The following USPL1 variants were observed in gnomAD, a reference collection of about 807,000 sequenced individuals.
The protein encoded by USPL1 is SUMO-specific isopeptidase USPL1.
A neutral mutation model predicts 51.5 loss-of-function variants in USPL1; 27 were observed. The ratio of observed to expected loss-of-function variants is 0.52; its 90% CI spans 0.39 to 0.72. The LOEUF (loss-of-function observed/expected upper bound fraction) is 0.72, where lower values mean the gene tolerates loss of function less well. Among genes scored for constraint, USPL1 ranks in the 30% least tolerant of loss-of-function variants. The pLI, the probability that USPL1 is intolerant of heterozygous loss-of-function variation, is 0.00. For synonymous variants in USPL1, 451 were observed against 459.6 expected, an observed-to-expected ratio of 0.98 and a Z score of 0.24; for missense variants, 1,226 against 1,268.0, an observed-to-expected ratio of 0.97 and a Z score of 0.50.
At chr13:30,621,039 T>G in intron 1 of USPL1, 34 bp from the exon 2 acceptor site, 1 of 917,712 alleles carries the variant, frequency 1.1e-6, no homozygotes. Flanking sequence ...AAATAGAATT[T>G]TTATTTAATT....
intron 4 of USPL1, among the ~76,000 whole-genome samples, chr13:30,634,394 T>G (rs1255564536): frequency 1.3e-5 from 2 of 152,234 alleles, no homozygotes; most frequent in Admixed American, 1.3e-4. Context: ...CTTAATATTT[T>G]CAGACCACGG....
intron 8 of USPL1, among the ~76,000 whole-genome samples, chr13:30,656,074 C>T (rs1057509141): frequency 2.0e-5 from 3 of 152,132 alleles, no homozygotes; most frequent in Admixed American, 2.0e-4. Flanking sequence ...CATCCAAGCC[C>T]GTGGTTAGCT....
chr13:30,642,841 AC>A, intron 6 of USPL1, 84 bp downstream of exon 6: 1 of 1,493,978 alleles, frequency 6.7e-7, no homozygotes, highest in Admixed American at 2.1e-5. Flanking sequence ...ACCAGACACT[AC>A]AGTTTGCTTG....
Position 30,638,345 on chromosome 13 carries a change from A to G in USPL1, c.982+488A>G, listed in dbSNP as rs564927722. ...CATCTAAACCAACCATAGTAATTCT[A>G]CTTCCCTACCAGTGATTGGTTTAGG... On this transcript the variant is annotated intron_variant, in intron 5 of 8. Coordinates refer to ENST00000255304, the MANE Select transcript of USPL1 (RefSeq NM_005800.5). 7.2e-5 allele frequency among the ~76,000 whole-genome samples: 11 copies of G among 152,302 alleles called. No individual in the cohort carries two copies. In the South Asian group the frequency reaches 8.3e-4, roughly 11 times the overall value.
chr13:30,656,267 C>T (rs565820740), intron 8 of USPL1, among the ~76,000 whole-genome samples: 1 of 152,136 alleles, frequency 6.6e-6, no homozygotes, highest in Non-Finnish European at 1.5e-5. Context: ...TGTAAGTGTA[C>T]AATTCATTGG....
chr13:30,638,181 A>G (rs1950900890), intron 5 of USPL1, among the ~76,000 whole-genome samples: 2 of 152,206 alleles, frequency 1.3e-5, no homozygotes, highest in African/African-American at 2.4e-5. Flanking sequence ...TCAATTGTGC[A>G]TTAAAAAGCA....
chr13:30,651,754 A>C (rs1036841773), intron 7 of USPL1, among the ~76,000 whole-genome samples: 1 of 152,238 alleles, frequency 6.6e-6, no homozygotes, highest in Non-Finnish European at 1.5e-5. Context: ...TGAAGTCAGC[A>C]GTTCGAGACC....
At position 30,631,093 on chromosome 13, in the gene USPL1, A is replaced by C. The variant is rs568229280; in HGVS notation, c.487A>C (p.Ile163Leu). ...LPDSSGQQNPIRTADSLERNE... is the reference protein window; with the variant it reads ...LPDSSGQQNPLRTADSLERNE... ...TGATAGTAGTGGTCAACAGAATCCA[A>C]TTAGGACAGCTGATTCCTTGGAGCG... Residue 163 changes from isoleucine to leucine, a missense_variant, in exon 4 of 9, where the codon ATT (isoleucine) becomes CTT (leucine). Ile to Leu is a conservative substitution (Grantham distance 5). Transcript: ENST00000255304. 6.2e-7 allele frequency: 1 copy of C among 1,614,204 alleles called. No homozygotes were observed. The highest frequency in any genetic ancestry group is 1.3e-5 in the African/African-American group (1 of 75,062).
rs771464182 is a variant in USPL1, at chr13:30,658,594, T to A, written c.2517T>A (p.Ala839=). 50 of 1,614,116 alleles carry A rather than the reference T, an allele frequency of 3.1e-5. No homozygotes were observed. Among genetic ancestry groups the A allele is most frequent in the Non-Finnish European group, 3.9e-5 (46 of 1,180,048 alleles). Residue 839 remains alanine, a synonymous_variant, in exon 9 of 9, where the codon GCT becomes GCA. Transcript: ENST00000255304. ...GCCCTCCATCGTCTAATGGCACAGC[T>A]GCCCACCCACATGCTCATGCTGCTT... ...PAGPPSSNGT[A]AHPHAHAASE... is the part of the protein sequence containing the mutation.
At chr13:30,642,798 C>A in intron 6 of USPL1, 41 bp downstream of exon 6, 1 of 1,594,418 alleles carries the variant, frequency 6.3e-7, no homozygotes. Flanking sequence ...CTTCTAGTTT[C>A]TCCACCACTA....
At chr13:30,642,904 G>T (rs1387938881) in intron 6 of USPL1, 147 bp downstream of exon 6, 3 of 945,082 alleles carry the variant, frequency 3.2e-6, no homozygotes, top group Non-Finnish European at 4.6e-6. Context: ...ACTGCTAGTA[G>T]GATATTTCCT....
In USPL1 at chr13:30,631,221, A is replaced by T. The variant is rs763827681; in HGVS notation, c.615A>T (p.Gly205=). The T allele has an allele frequency of 1.7e-5, 28 of 1,614,188 alleles. 1 individual carries two copies. The South Asian group carries it at 3.1e-4, about 18-fold the overall frequency. The part of the protein sequence containing the change: ...GTGRPSPQNE[G]CTSKLEMPLE... The stretch of plus-strand genomic sequence containing the variant: ...GCAGACCTTCCCCTCAAAATGAAGG[A>T]TGTACATCTAAACTGGAAATGCCAC... The change falls in exon 4 of 9, where the codon GGA becomes GGT. Residue 205 remains glycine, a synonymous_variant. Transcript: ENST00000255304.
In USPL1 at chr13:30,658,588, C is replaced by T. The variant is rs200498767; in HGVS notation, c.2511C>T (p.Gly837=). 6.2e-7 allele frequency: 1 copy of T among 1,614,176 alleles called. No homozygotes were observed. The highest frequency in any genetic ancestry group is 1.3e-5 in the African/African-American group (1 of 75,052). ...CAGCAGGCCCTCCATCGTCTAATGGCACAGCTGCCCACCCACATGCTCATG... is the reference window on the plus strand; with the variant it reads ...CAGCAGGCCCTCCATCGTCTAATGGTACAGCTGCCCACCCACATGCTCATG... The part of the protein sequence containing the change: ...KPPAGPPSSN[G]TAAHPHAHAA... Residue 837 remains glycine (G), a synonymous_variant, in exon 9 of 9, where the codon GGC becomes GGT. Transcript: ENST00000255304.
At chr13:30,630,563 C>CA (rs900213519) in intron 3 of USPL1, among the ~76,000 whole-genome samples, 2 of 151,986 alleles carry the variant, frequency 1.3e-5, no homozygotes, top group African/African-American at 2.4e-5. Flanking sequence ...TTTATTAAAG[C>CA]AAAAATATGT....
intron 5 of USPL1, among the ~76,000 whole-genome samples, chr13:30,641,138 G>A (rs2137669505): frequency 6.6e-6 from 1 of 152,306 alleles, no homozygotes; most frequent in South Asian, 2.1e-4. Flanking sequence ...GCATTAAAAA[G>A]CACCGAGGGA....
At chr13:30,645,438 A>AC (rs997640595) in intron 6 of USPL1, among the ~76,000 whole-genome samples, 5 of 152,246 alleles carry the variant, frequency 3.3e-5, no homozygotes, top group African/African-American at 7.2e-5. Flanking sequence ...AATGCGTTTT[A>AC]GAGATATATA....
chr13:30,619,128 G>T (rs1049445751), intron 1 of USPL1, among the ~76,000 whole-genome samples: 3 of 152,214 alleles, frequency 2.0e-5, no homozygotes, highest in African/African-American at 7.2e-5. Context: ...AGGAGGAGCA[G>T]ATTGTTTTTG....
chr13:30,653,405 T>G (rs1951117474), intron 8 of USPL1, 100 bp downstream of exon 8: 1 of 1,204,334 alleles, frequency 8.3e-7, no homozygotes, highest in Non-Finnish European at 1.1e-6. Flanking sequence ...AAGACAAACT[T>G]TGTCCTGACT....
At chr13:30,638,626 G>A (rs970806718) in intron 5 of USPL1, among the ~76,000 whole-genome samples, 2 of 151,774 alleles carry the variant, frequency 1.3e-5, no homozygotes, top group Non-Finnish European at 2.9e-5. Flanking sequence ...AGGGCTTTTT[G>A]TTTTATTTTT....
Sources: gnomAD v4.1 joint callset for allele counts (sites outside exome capture counted in the v4.1 genomes callset) on GRCh38, gnomAD v4.1.1 for gene constraint, MANE v1.5 for transcripts, NCBI Gene and HGNC (gene_info 2026-07-23, HGNC 2026-07-21) for gene names.